Variants in DLC1 observed in about 807,000 individuals in gnomAD.
DLC1 encodes rho GTPase-activating protein 7.
DLC1 carries 54 observed loss-of-function variants against 140.3 expected under a neutral mutation model. The ratio of observed to expected loss-of-function variants is 0.38; its 90% CI spans 0.31 to 0.48. The LOEUF (loss-of-function observed/expected upper bound fraction) is 0.48, where lower values mean the gene tolerates loss of function less well. Ranked by LOEUF, DLC1 falls within the 20% of genes least tolerant of loss-of-function variation. The pLI is 0.96. For synonymous variants in DLC1, 986 were observed against 728.1 expected (o/e 1.35, Z -5.70); for missense variants, 2,536 against 1,907.0 (o/e 1.33, Z -6.14).
chr8:13,543,616 G>A (rs60277897), intron 1 of DLC1, among the ~76,000 whole-genome samples: 17,713 of 152,106 alleles, frequency 0.12, 1,233 homozygotes, highest in Non-Finnish European at 0.14. Flanking sequence ...ACACCAAGAA[G>A]ATGTGTTTTA....
intron 5 of DLC1, among the ~76,000 whole-genome samples, chr8:13,301,265 C>T (rs1832180485): frequency 6.6e-6 from 1 of 151,898 alleles, no homozygotes; most frequent in Non-Finnish European, 1.5e-5. Flanking sequence ...AATGTGATCA[C>T]CTCTGTCTAT....
At chr8:13,529,972 A>G (rs1433244534) in intron 1 of DLC1, among the ~76,000 whole-genome samples, 2 of 152,212 alleles carry the variant, frequency 1.3e-5, no homozygotes, top group Non-Finnish European at 2.9e-5. Context: ...ATTAGATTCT[A>G]TCCCTATCCT....
At chr8:13,508,423 C>CTTTTTTTTT (rs11295861) in intron 1 of DLC1, among the ~76,000 whole-genome samples, 1 of 146,370 alleles carries the variant, frequency 6.8e-6, no homozygotes. Context: ...ACTTCTTTTT[C>CTTTTTTTTT]TTTTTTTTTT....
At chr8:13,533,543 T>C (rs1803171660) in intron 1 of DLC1, among the ~76,000 whole-genome samples, 1 of 152,222 alleles carries the variant, frequency 6.6e-6, no homozygotes, top group Non-Finnish European at 1.5e-5. Flanking sequence ...TCATGAAAAG[T>C]AGACAATGTT....
At chr8:13,246,713 A>T (rs893432284) in intron 5 of DLC1, among the ~76,000 whole-genome samples, 4 of 151,460 alleles carry the variant, frequency 2.6e-5, no homozygotes, top group African/African-American at 9.7e-5. Flanking sequence ...CTTGCATGCC[A>T]TTGCTTCACT....
At chr8:13,276,303 AG>A (rs1474840885) in intron 5 of DLC1, 1 of 1,535,200 alleles carries the variant, frequency 6.5e-7, no homozygotes, top group East Asian at 2.5e-5. Context: ...AATGACATCC[AG>A]GGCTCTGGCC....
chr8:13,485,885 A>C (rs1370964322), intron 2 of DLC1, among the ~76,000 whole-genome samples: 1 of 152,212 alleles, frequency 6.6e-6, no homozygotes, highest in Non-Finnish European at 1.5e-5. Flanking sequence ...TTTAAGCATA[A>C]AAATTTAGTG....
intron 1 of DLC1, chr8:13,567,550 C>T (rs182017068): frequency 6.4e-7 from 1 of 1,551,780 alleles, no homozygotes; most frequent in Non-Finnish European, 8.7e-7. Context: ...AACGCCAAAA[C>T]AGGAGGCAGC....
intron 5 of DLC1, among the ~76,000 whole-genome samples, chr8:13,171,235 G>A (rs1483734413): frequency 1.3e-5 from 2 of 152,178 alleles, no homozygotes; most frequent in Non-Finnish European, 2.9e-5. Context: ...AGGACTAAGT[G>A]CAATTTTCAG....
intron 2 of DLC1, among the ~76,000 whole-genome samples, chr8:13,447,384 T>C (rs550678676): frequency 1.1e-3 from 172 of 152,320 alleles, no homozygotes; most frequent in South Asian, 3.7e-3. Context: ...GTAATACCTA[T>C]TTGGCATGAA....
intron 1 of DLC1, among the ~76,000 whole-genome samples, chr8:13,596,881 C>G (rs1805696909): frequency 6.6e-6 from 1 of 151,966 alleles, no homozygotes; most frequent in South Asian, 2.1e-4. Context: ...ATTTTAGAAT[C>G]ATACAATTGT....
intron 2 of DLC1, 123 bp downstream of exon 2, chr8:13,498,926 C>T: frequency 8.6e-7 from 1 of 1,163,802 alleles, no homozygotes; most frequent in South Asian, 1.9e-5. Context: ...TTGAATTACA[C>T]ATCTGCATAA....
chr8:13,129,414 G>C (rs1202379359), intron 5 of DLC1, among the ~76,000 whole-genome samples: 1 of 152,220 alleles, frequency 6.6e-6, no homozygotes, highest in South Asian at 2.1e-4. Flanking sequence ...TTGGGCATTA[G>C]TTCACCCAGA....
At chr8:13,374,749 T>C (rs972848039) in intron 4 of DLC1, among the ~76,000 whole-genome samples, 1 of 152,172 alleles carries the variant, frequency 6.6e-6, no homozygotes, top group African/African-American at 2.4e-5. Context: ...GCCATTGCAC[T>C]CCAGTCTGGG....
At chr8:13,431,254 C>T (rs546243916) in intron 2 of DLC1, among the ~76,000 whole-genome samples, 7 of 152,036 alleles carry the variant, frequency 4.6e-5, no homozygotes, top group Admixed American at 6.6e-5. Flanking sequence ...AGGGCTGAGG[C>T]GGGCGGATCA....
intron 4 of DLC1, among the ~76,000 whole-genome samples, chr8:13,328,750 G>A (rs769131594): frequency 2.6e-5 from 4 of 152,140 alleles, no homozygotes; most frequent in South Asian, 2.1e-4. Context: ...GGAGGAGCCC[G>A]CAGAGTGATG....
Position 13,095,210 on chromosome 8 carries a change from G to A in DLC1, c.3203C>T (p.Pro1068Leu), listed in dbSNP as rs781331714. ...VPKFMKRIKV[P>L]DYKDRSVFGV... ...AAACACACTCCGGTCCTTGTAGTCT[G>A]GAACCTTGATCCTCTTCATGAACTT... Residue 1068 changes from proline to leucine, a missense_variant, in exon 11 of 18, where the codon CCA (proline) becomes CTA (leucine). Coordinates refer to ENST00000276297, the MANE Select transcript of DLC1 (RefSeq NM_182643.3). 2 of 1,614,094 alleles carry A rather than the reference G, an allele frequency of 1.2e-6. No homozygotes were observed. Among genetic ancestry groups the A allele is most frequent in the African/African-American group, 1.3e-5 (1 of 74,930 alleles).
intron 1 of DLC1, among the ~76,000 whole-genome samples, chr8:13,524,795 G>T: frequency 6.7e-6 from 1 of 150,150 alleles, no homozygotes; most frequent in African/African-American, 2.5e-5. Flanking sequence ...GACTTCAGTT[G>T]CTTTTGGCAT....
intron 4 of DLC1, among the ~76,000 whole-genome samples, chr8:13,347,757 G>T (rs929069882): frequency 2.0e-5 from 3 of 152,258 alleles, no homozygotes; most frequent in Non-Finnish European, 4.4e-5. Context: ...AACATATGAA[G>T]TAAGTATAGG....
Sources: gnomAD v4.1 joint callset for allele counts (sites outside exome capture counted in the v4.1 genomes callset) on GRCh38, gnomAD v4.1.1 for gene constraint, MANE v1.5 for transcripts, NCBI Gene and HGNC (gene_info 2026-07-23, HGNC 2026-07-21) for gene names.